Variants in EHBP1 observed in about 807,000 individuals in gnomAD.
EHBP1 encodes EH domain binding protein 1.
A neutral mutation model predicts 144.0 loss-of-function variants in EHBP1; 55 were observed. That is an observed-to-expected ratio of 0.38 (90% CI 0.31 to 0.48). The LOEUF is 0.48. EHBP1 is among the 20% of genes least tolerant of loss of function. The pLI, the probability that EHBP1 is intolerant of heterozygous loss-of-function variation, is 0.98. For synonymous variants in EHBP1, 469 were observed against 472.7 expected, an observed-to-expected ratio of 0.99 and a Z score of 0.10; for missense variants, 1,200 against 1,364.2, an observed-to-expected ratio of 0.88 and a Z score of 1.90.
chr2:62,764,365 A>C lies in EHBP1; in HGVS notation c.258+4A>C. 6.4e-7 allele frequency: 1 copy of C among 1,565,070 alleles called. No homozygotes were observed. The highest frequency in any genetic ancestry group is 8.6e-7 in the Non-Finnish European group (1 of 1,160,240). ...AATCACTGTAACACTTTTTAAGGTA[A>C]GTTCCATTTTTATAGGCTATAGAAT... On this transcript the variant is annotated splice_donor_region_variant and intron_variant, in intron 4 of 22. Transcript: ENST00000431489.
chr2:62,814,486 C>T (rs1432928478), intron 5 of EHBP1, among the ~76,000 whole-genome samples: 1 of 152,260 alleles, frequency 6.6e-6, no homozygotes, highest in Non-Finnish European at 1.5e-5. Flanking sequence ...AATCTACTCA[C>T]ATATTCTTAG....
intron 10 of EHBP1, among the ~76,000 whole-genome samples, chr2:62,913,848 A>G (rs753388208): frequency 2.6e-5 from 4 of 152,210 alleles, no homozygotes; most frequent in Non-Finnish European, 5.9e-5. Flanking sequence ...ATAACTCCTC[A>G]ATACTTAATT....
intron 9 of EHBP1, among the ~76,000 whole-genome samples, chr2:62,873,386 A>C (rs572037645): frequency 5.9e-4 from 90 of 152,254 alleles, no homozygotes; most frequent in Non-Finnish European, 5.0e-4. Flanking sequence ...ATTAGACACA[A>C]AGAAAAAATG....
At chr2:62,815,967 C>A (rs2045414895) in intron 5 of EHBP1, among the ~76,000 whole-genome samples, 1 of 152,144 alleles carries the variant, frequency 6.6e-6, no homozygotes, top group South Asian at 2.1e-4. Context: ...TTTAATGTAA[C>A]AGTTTAAGAA....
chr2:62,895,784 T>G (rs1337622487), intron 10 of EHBP1, among the ~76,000 whole-genome samples: 1 of 151,988 alleles, frequency 6.6e-6, no homozygotes, highest in African/African-American at 2.4e-5. Context: ...AATTGTTTAG[T>G]TAGAAGAGAG....
At chr2:62,965,260 C>T (rs866686602) in intron 14 of EHBP1, among the ~76,000 whole-genome samples, 14 of 152,006 alleles carry the variant, frequency 9.2e-5, no homozygotes, top group Middle Eastern at 3.2e-3. Context: ...AAAAGAAAGC[C>T]CTCTAATTAA....
At chr2:62,840,783 CTA>C (rs1380855202) in intron 7 of EHBP1, among the ~76,000 whole-genome samples, 2 of 151,710 alleles carry the variant, frequency 1.3e-5, no homozygotes, top group Admixed American at 1.3e-4. Context: ...ATCAAAACCA[CTA>C]TGAGATATCA....
rs199907446 is a variant in EHBP1, at chr2:62,717,816, T to C, written c.104+10521T>C. Among the ~76,000 whole-genome samples, 22 of 152,280 alleles carry C rather than the reference T, an allele frequency of 1.4e-4. No homozygotes were observed. In the East Asian group the frequency reaches 4.2e-3, roughly 29 times the overall value. On this transcript the variant is annotated intron_variant, in intron 2 of 22. Coordinates refer to ENST00000431489, the MANE Select transcript of EHBP1 (RefSeq NM_001142616.3). Reference sequence around the variant, plus strand: ...AGTTTGTCAGCCTAAGAATTTAAAATAATACCATGTTGACTAATTTAGGGA... The same window carrying C: ...AGTTTGTCAGCCTAAGAATTTAAAACAATACCATGTTGACTAATTTAGGGA...
intron 14 of EHBP1, among the ~76,000 whole-genome samples, chr2:62,977,651 G>C (rs1486651755): frequency 5.9e-5 from 9 of 152,150 alleles, no homozygotes; most frequent in Middle Eastern, 3.4e-3. Flanking sequence ...TCTCCTGCTT[G>C]AAATGGTTAC....
intron 5 of EHBP1, among the ~76,000 whole-genome samples, chr2:62,783,735 C>T (rs1228088505): frequency 6.6e-6 from 1 of 152,134 alleles, no homozygotes; most frequent in Non-Finnish European, 1.5e-5. Context: ...TTTTCCCTTC[C>T]AGGCCTCCTG....
At chr2:62,708,467 C>T (rs1269630326) in intron 2 of EHBP1, among the ~76,000 whole-genome samples, 1 of 152,142 alleles carries the variant, frequency 6.6e-6, no homozygotes, top group Non-Finnish European at 1.5e-5. Flanking sequence ...TTTAATCTGT[C>T]TCGATACAGT....
chr2:62,865,461 G>A (rs2049965414), intron 9 of EHBP1, among the ~76,000 whole-genome samples: 1 of 152,094 alleles, frequency 6.6e-6, no homozygotes, highest in Non-Finnish European at 1.5e-5. Context: ...TGTGTAATTA[G>A]GGCTGCCATT....
chr2:63,036,694 T>C (rs1437476392), intron 19 of EHBP1, among the ~76,000 whole-genome samples: 1 of 152,016 alleles, frequency 6.6e-6, no homozygotes, highest in Non-Finnish European at 1.5e-5. Context: ...GGAAAATTAA[T>C]ATTTTTCTTC....
intron 9 of EHBP1, among the ~76,000 whole-genome samples, chr2:62,866,227 G>C (rs1289621280): frequency 6.6e-6 from 1 of 152,222 alleles, no homozygotes; most frequent in Non-Finnish European, 1.5e-5. Context: ...TAAAGGCAAG[G>C]CTCAAAAGAA....
intron 19 of EHBP1, among the ~76,000 whole-genome samples, chr2:63,031,556 TGTGAGTCATTTACCTTTAAA>T (rs2061247960): frequency 6.6e-6 from 1 of 152,156 alleles, no homozygotes; most frequent in African/African-American, 2.4e-5. Flanking sequence ...TTACCTGAAA[TGTGAGTCATTTACCTTTAAA>T]GGCTCTTAGC....
intron 14 of EHBP1, among the ~76,000 whole-genome samples, chr2:62,957,131 T>C (rs568683364): frequency 6.6e-6 from 1 of 152,336 alleles, no homozygotes; most frequent in South Asian, 2.1e-4. Flanking sequence ...GAAGTTATTT[T>C]TAAAAGTTAA....
chr2:62,697,862 A>G (rs1466938035), intron 1 of EHBP1, among the ~76,000 whole-genome samples: 2 of 152,250 alleles, frequency 1.3e-5, no homozygotes, highest in Non-Finnish European at 2.9e-5. Flanking sequence ...AACAGAATGA[A>G]CTATTGGCAA....
chr2:62,841,000 A>G (rs1334606035), intron 7 of EHBP1, among the ~76,000 whole-genome samples: 3 of 152,186 alleles, frequency 2.0e-5, no homozygotes, highest in Non-Finnish European at 4.4e-5. Context: ...GTATATACCC[A>G]AAGGACTATA....
chr2:62,809,721 T>C (rs1452234436), intron 5 of EHBP1, among the ~76,000 whole-genome samples: 3 of 152,206 alleles, frequency 2.0e-5, no homozygotes, highest in Non-Finnish European at 4.4e-5. Context: ...ACTCAATGTT[T>C]AGTTCCCACT....
Sources: gnomAD v4.1 joint callset for allele counts (sites outside exome capture counted in the v4.1 genomes callset) on GRCh38, gnomAD v4.1.1 for gene constraint, MANE v1.5 for transcripts, NCBI Gene and HGNC (gene_info 2026-07-23, HGNC 2026-07-21) for gene names.